Variants in SOS1 observed in about 807,000 individuals in gnomAD.
SOS1 encodes son of sevenless homolog 1.
In SOS1, 25 loss-of-function variants were observed where a neutral mutation model predicts 157.6. The ratio of observed to expected loss-of-function variants is 0.16; its 90% CI spans 0.12 to 0.22. SOS1 has a LOEUF of 0.22. Ranked by LOEUF, SOS1 falls within the 10% of genes least tolerant of loss-of-function variation. The pLI is 1.00. For missense variants in SOS1, 1,237 were observed against 1,599.1 expected (o/e 0.77, Z 3.86); for synonymous variants, 528 against 534.0 (o/e 0.99, Z 0.16).
At chr2:39,005,714 T>C (rs1489542620) in intron 17 of SOS1, among the ~76,000 whole-genome samples, 1 of 151,908 alleles carries the variant, frequency 6.6e-6, no homozygotes, top group Non-Finnish European at 1.5e-5. Flanking sequence ...AAAATATAGA[T>C]GAGGAAAAGG....
intron 4 of SOS1, 128 bp downstream of exon 4, chr2:39,056,574 C>G (rs556291598): frequency 1.5e-6 from 1 of 689,158 alleles, no homozygotes; most frequent in African/African-American, 1.8e-5. Context: ...TCTTGAATCC[C>G]TACTATTAGG....
chr2:39,010,544 G>C (rs758483236), intron 15 of SOS1, 40 bp downstream of exon 15: 2 of 1,577,068 alleles, frequency 1.3e-6, no homozygotes, highest in African/African-American at 2.7e-5. Context: ...TCATAACATA[G>C]CTGACAGCTA....
In SOS1 at chr2:39,120,402, G is replaced by A. The variant is rs727504845; in HGVS notation, c.21C>T (p.Pro7=). ...CGTTCTCTTCGCTGAAAAACTCGTA[G>A]GGCAGCTGCTGCGCCTGCATGGTGC... The part of the protein sequence containing the change: MQAQQL[P]YEFFSEENAP... The change falls in exon 1 of 23, where the codon CCC becomes CCT. Residue 7 remains proline (P), a synonymous_variant. Coordinates refer to ENST00000402219, the MANE Select transcript of SOS1 (RefSeq NM_005633.4). 8 of 1,598,578 alleles carry A rather than the reference G, an allele frequency of 5.0e-6. 1 individual carries two copies. In the South Asian group the frequency reaches 6.7e-5, roughly 13 times the overall value.
At chr2:39,036,730 C>T (rs6544188) in intron 6 of SOS1, among the ~76,000 whole-genome samples, 1 of 151,552 alleles carries the variant, frequency 6.6e-6, no homozygotes, top group South Asian at 2.1e-4. Context: ...TCCGCCACCA[C>T]GCCCGGCTAT....
intron 6 of SOS1, among the ~76,000 whole-genome samples, chr2:39,049,981 C>T (rs1670948820): frequency 6.6e-6 from 1 of 152,150 alleles, no homozygotes; most frequent in African/African-American, 2.4e-5. Flanking sequence ...ACCCAGATAC[C>T]AGAGTTCACT....
chr2:39,106,972 C>T (rs1358406051), intron 1 of SOS1, among the ~76,000 whole-genome samples: 1 of 152,108 alleles, frequency 6.6e-6, no homozygotes, highest in Admixed American at 6.5e-5. Context: ...ATTACATAAA[C>T]ATTGAATATG....
chr2:39,064,282 G>T (rs1387068683), intron 2 of SOS1, among the ~76,000 whole-genome samples: 1 of 152,118 alleles, frequency 6.6e-6, no homozygotes, highest in African/African-American at 2.4e-5. Context: ...TATTTTTGTG[G>T]TGAGAACAAT....
chr2:39,081,952 A>C (rs562883738), intron 1 of SOS1, among the ~76,000 whole-genome samples: 22 of 152,348 alleles, frequency 1.4e-4, no homozygotes, highest in Non-Finnish European at 1.2e-4. Context: ...GCATATATTT[A>C]TGGGGTACAT....
Position 39,017,169 on chromosome 2 carries a change from G to C in SOS1, c.1859-2323C>G, listed in dbSNP as rs150469331. Among the ~76,000 whole-genome samples the C allele has an allele frequency of 5.9e-5, 9 of 152,172 alleles. No homozygotes were observed. In the East Asian group the frequency reaches 1.7e-3, roughly 29 times the overall value. On this transcript the variant is annotated intron_variant, in intron 10 of 22. Transcript: ENST00000402219. ...TAAGGTCATACTGTAGAGTGGCAGA[G>C]ATGGACCCAGAACCTAGATCATGTG...
At chr2:39,090,540 A>T (rs1479567350) in intron 1 of SOS1, among the ~76,000 whole-genome samples, 1 of 151,906 alleles carries the variant, frequency 6.6e-6, no homozygotes, top group Non-Finnish European at 1.5e-5. Context: ...TATTAAAAAT[A>T]CAAAAATTAG....
rs143622330 is a variant in SOS1 at position 38,989,457 on chromosome 2, A to G, written c.3347-143T>C. 8.3e-3 allele frequency: 5,065 copies of G among 609,214 alleles called. 32 individuals are homozygous for G. The highest frequency in any genetic ancestry group is 0.014 in the Middle Eastern group (32 of 2,308). 37.7% of individuals were successfully genotyped at this position (609,214 alleles called of 1,614,324 possible). On this transcript the variant is annotated intron_variant, in intron 20 of 22. Coordinates refer to ENST00000402219, the MANE Select transcript of SOS1 (RefSeq NM_005633.4). ...TAACAGTTTATAGTAAAACCTCATT[A>G]CTACTTACTTTTGAGAAGAAAAAAA...
chr2:39,108,592 TAA>T (rs928821464), intron 1 of SOS1, among the ~76,000 whole-genome samples: 2 of 152,118 alleles, frequency 1.3e-5, no homozygotes, highest in Admixed American at 6.6e-5. Context: ...CACTTCCATT[TAA>T]AAAGTCACTT....
intron 6 of SOS1, among the ~76,000 whole-genome samples, chr2:39,042,168 T>A (rs1361659018): frequency 6.6e-6 from 1 of 152,198 alleles, no homozygotes; most frequent in Non-Finnish European, 1.5e-5. Flanking sequence ...GTACTTTACC[T>A]AACAAGTACT....
At position 39,056,783 on chromosome 2, in the gene SOS1, C is replaced by T. The variant is rs773264070; in HGVS notation, c.429G>A (p.Lys143=). Residue 143 remains lysine (K), a synonymous_variant, in exon 4 of 23, where the codon AAG becomes AAA. Transcript: ENST00000402219. ...TATTTCTTACATAATTCCCAACCAG[C>T]TTTAAAATGTCTGCAGAAATGTATT... ...VLEYISADIL[K]LVGNYVRNIR... is the part of the protein sequence containing the mutation. The T allele has an allele frequency of 8.8e-6, 14 of 1,599,388 alleles. No homozygotes were observed. Among genetic ancestry groups the T allele is most frequent in the Non-Finnish European group, 1.1e-5 (13 of 1,166,876 alleles).
At chr2:39,102,367 GA>G (rs1358474678) in intron 1 of SOS1, among the ~76,000 whole-genome samples, 2 of 149,356 alleles carry the variant, frequency 1.3e-5, no homozygotes, top group African/African-American at 4.9e-5. Context: ...TACCAAAGGG[GA>G]AAAAAAATTA....
intron 17 of SOS1, among the ~76,000 whole-genome samples, chr2:38,999,298 G>A (rs1018313015): frequency 2.0e-5 from 3 of 152,188 alleles, no homozygotes; most frequent in Non-Finnish European, 4.4e-5. Flanking sequence ...GTGTGGGGTA[G>A]AGGAAGAGTG....
intron 17 of SOS1, among the ~76,000 whole-genome samples, chr2:39,004,010 T>C (rs1669198953): frequency 6.6e-6 from 1 of 152,058 alleles, no homozygotes; most frequent in African/African-American, 2.4e-5. Flanking sequence ...TGCTAAATGC[T>C]CCCTAGGGGG....
At chr2:39,090,839 C>A (rs1029030854) in intron 1 of SOS1, among the ~76,000 whole-genome samples, 4 of 151,934 alleles carry the variant, frequency 2.6e-5, no homozygotes, top group African/African-American at 9.7e-5. Flanking sequence ...TTCAGTAGTT[C>A]TTGGGTAGAA....
At chr2:39,013,009 C>G (rs1572821959) in intron 13 of SOS1, among the ~76,000 whole-genome samples, 1 of 152,136 alleles carries the variant, frequency 6.6e-6, no homozygotes, top group East Asian at 1.9e-4. Flanking sequence ...GATAAGAAAA[C>G]TGAAGTCTAA....
Sources: gnomAD v4.1 joint callset for allele counts (sites outside exome capture counted in the v4.1 genomes callset) on GRCh38, gnomAD v4.1.1 for gene constraint, MANE v1.5 for transcripts, NCBI Gene and HGNC (gene_info 2026-07-23, HGNC 2026-07-21) for gene names.